NRCAM: variants seen among roughly 807,000 people sequenced by gnomAD.
NRCAM encodes neuronal cell adhesion molecule.
A neutral mutation model predicts 156.5 loss-of-function variants in NRCAM; 83 were observed. The observed-to-expected ratio is 0.53, with a 90% CI of 0.44 to 0.64. NRCAM has a LOEUF of 0.64. Among genes scored for constraint, NRCAM ranks in the 30% least tolerant of loss-of-function variants. NRCAM has a pLI of 0.00. For missense variants in NRCAM, 1,417 were observed against 1,597.3 expected (o/e 0.89, Z 1.92); for synonymous variants, 538 against 563.9 (o/e 0.95, Z 0.65).
intron 2 of NRCAM, among the ~76,000 whole-genome samples, chr7:108,374,644 C>T (rs906376763): frequency 3.3e-5 from 5 of 152,068 alleles, no homozygotes; most frequent in African/African-American, 1.2e-4. Context: ...AAACACTGAG[C>T]TATGAGTAGG....
In NRCAM at chr7:108,149,821, C is replaced by A. The variant is rs2040221733; in HGVS notation, c.*89G>T. The A allele has an allele frequency of 1.0e-6, 1 of 986,640 alleles. No individual in the cohort carries two copies. Among genetic ancestry groups the A allele is most frequent in the Non-Finnish European group, 1.5e-6 (1 of 647,274 alleles). The allele number at this position is 986,640 out of a possible 1,614,324, so 61.1% of individuals were successfully genotyped here. A position where few individuals can be genotyped will look rare whatever the true frequency, so the allele number is the denominator to read the frequency against. On this transcript the variant is annotated 3_prime_UTR_variant, in exon 33 of 33. Coordinates refer to ENST00000379028, the MANE Select transcript of NRCAM (RefSeq NM_001037132.4). ...CATACAGCAGAAAATATACTCTCTACCCATATGTTCATAGTATGAGAGGGC... is the reference window on the plus strand; with the variant it reads ...CATACAGCAGAAAATATACTCTCTAACCATATGTTCATAGTATGAGAGGGC...
rs143920584 is a variant in NRCAM, at chr7:108,424,584, T to C, written c.-331-24991A>G. ...TTTTTGTCAGTGGGGTTTACACTAT[T>C]GCTCTTGATTTTTAAAACTGAATGT... On this transcript the variant is annotated intron_variant, in intron 1 of 32. Transcript: ENST00000379028. Among the ~76,000 whole-genome samples the C allele has an allele frequency of 4.0e-3, 607 of 152,342 alleles. 2 individuals are homozygous for C. Among genetic ancestry groups the C allele is most frequent in the Admixed American group, 8.2e-3 (125 of 15,302 alleles).
In NRCAM at chr7:108,176,427, T is replaced by C; in HGVS notation, c.3151+3A>G. On this transcript the variant is annotated splice_donor_region_variant and intron_variant, in intron 27 of 32. Transcript: ENST00000379028. ...ATATGGATTTTATACATACCCATCT[T>C]ACCTTCATCCACAGTTGTTACTGCT... The C allele has an allele frequency of 1.2e-6, 2 of 1,611,124 alleles. No individual in the cohort carries two copies. Among genetic ancestry groups the C allele is most frequent in the Non-Finnish European group, 1.7e-6 (2 of 1,178,160 alleles).
chr7:108,170,311 G>A (rs2057685528), intron 28 of NRCAM, among the ~76,000 whole-genome samples: 1 of 152,170 alleles, frequency 6.6e-6, no homozygotes. Context: ...GGCAAATATT[G>A]CGTGATCTCA....
chr7:108,341,425 G>C (rs1435832992), intron 2 of NRCAM, among the ~76,000 whole-genome samples: 1 of 152,174 alleles, frequency 6.6e-6, no homozygotes, highest in Non-Finnish European at 1.5e-5. Context: ...CCAGTCACTT[G>C]ATACTTCTCC....
At chr7:108,168,025 C>T (rs191583629) in intron 29 of NRCAM, among the ~76,000 whole-genome samples, 1 of 152,206 alleles carries the variant, frequency 6.6e-6, no homozygotes, top group Admixed American at 6.5e-5. Context: ...GTTTCAAGTA[C>T]TATGATATGA....
At chr7:108,439,690 T>C (rs1836315463) in intron 1 of NRCAM, among the ~76,000 whole-genome samples, 3 of 151,802 alleles carry the variant, frequency 2.0e-5, no homozygotes, top group Non-Finnish European at 4.4e-5. Context: ...CAAAATTAGC[T>C]GGCTGTGGTG....
At chr7:108,215,954 T>C (rs985400005) in intron 11 of NRCAM, among the ~76,000 whole-genome samples, 10 of 152,240 alleles carry the variant, frequency 6.6e-5, no homozygotes, top group Non-Finnish European at 2.9e-5. Flanking sequence ...CCTGTCATTA[T>C]GATGCTAGCT....
chr7:108,178,123 G>T lies in NRCAM; in HGVS notation c.2852-11C>A, dbSNP rs369572082. 32 of 1,607,652 alleles carry T rather than the reference G, an allele frequency of 2.0e-5. No homozygotes were observed. The African/African-American group carries it at 3.5e-4, about 18-fold the overall frequency. On this transcript the variant is annotated splice_polypyrimidine_tract_variant and intron_variant, in intron 25 of 32. Transcript: ENST00000379028. ...AGGGAGCACTGGGGACTTACAGTGA[G>T]AACTTACAGTCAACACAAAGATTTC...
intron 2 of NRCAM, among the ~76,000 whole-genome samples, chr7:108,326,533 T>C (rs2099070554): frequency 1.3e-5 from 2 of 152,234 alleles, no homozygotes; most frequent in South Asian, 2.1e-4. Context: ...AATCAAACTA[T>C]AATCAGGAAA....
chr7:108,408,973 G>A (rs1312724676), intron 1 of NRCAM, among the ~76,000 whole-genome samples: 1 of 152,160 alleles, frequency 6.6e-6, no homozygotes, highest in Non-Finnish European at 1.5e-5. Context: ...GAAATTAGGT[G>A]AATGGAGCCC....
At chr7:108,169,667 C>T (rs1412256219) in intron 28 of NRCAM, among the ~76,000 whole-genome samples, 3 of 152,170 alleles carry the variant, frequency 2.0e-5, no homozygotes, top group Non-Finnish European at 2.9e-5. Flanking sequence ...CTGAATTATG[C>T]AGAGTCCTTC....
chr7:108,246,598 T>C (rs557792997), intron 3 of NRCAM, among the ~76,000 whole-genome samples: 59 of 152,164 alleles, frequency 3.9e-4, no homozygotes, highest in Admixed American at 7.2e-4. Context: ...AGAGAAGAGC[T>C]GAGTGGCCAT....
intron 3 of NRCAM, among the ~76,000 whole-genome samples, chr7:108,293,539 A>G (rs760918644): frequency 6.6e-6 from 1 of 152,190 alleles, no homozygotes; most frequent in Admixed American, 6.5e-5. Context: ...CTACGTCATA[A>G]AGGAAGTCTA....
At chr7:108,213,367 C>T (rs2085828089) in intron 11 of NRCAM, among the ~76,000 whole-genome samples, 1 of 151,978 alleles carries the variant, frequency 6.6e-6, no homozygotes, top group South Asian at 2.1e-4. Context: ...ATAAAAAACC[C>T]AAGGTACACA....
chr7:108,280,952 A>G (rs1409916659), intron 3 of NRCAM, among the ~76,000 whole-genome samples: 4 of 152,174 alleles, frequency 2.6e-5, no homozygotes, highest in Admixed American at 6.5e-5. Flanking sequence ...TAAAAATTAA[A>G]TGATGAAAAA....
chr7:108,191,861 T>C lies in NRCAM; in HGVS notation c.1779-8A>G, dbSNP rs908230071. The C allele has an allele frequency of 9.3e-6, 15 of 1,612,510 alleles. No individual in the cohort carries two copies. The highest frequency in any genetic ancestry group is 1.3e-5 in the Non-Finnish European group (15 of 1,179,624). The stretch of plus-strand genomic sequence containing the variant: ...TCCTTGTCAACAGTGAACCTGTGGA[T>C]AGAATGCATTCAGAGCAGCTGAAAT... On this transcript the variant is annotated splice_region_variant and splice_polypyrimidine_tract_variant and intron_variant, in intron 17 of 32. Coordinates refer to ENST00000379028, the MANE Select transcript of NRCAM (RefSeq NM_001037132.4).
chr7:108,385,190 C>A (rs2099736277), intron 2 of NRCAM, among the ~76,000 whole-genome samples: 2 of 152,164 alleles, frequency 1.3e-5, no homozygotes, highest in African/African-American at 4.8e-5. Flanking sequence ...GCATATATTA[C>A]ATTGAAAATG....
intron 5 of NRCAM, 23 bp downstream of exon 5, chr7:108,237,729 G>A: frequency 6.4e-7 from 1 of 1,567,732 alleles, no homozygotes; most frequent in Non-Finnish European, 8.6e-7. Flanking sequence ...ACACTGCCTA[G>A]TAATTTATAG....
Sources: allele counts gnomAD v4.1 joint callset (sites outside exome capture counted in the v4.1 genomes callset), GRCh38; gene constraint gnomAD v4.1.1; transcripts MANE v1.5; gene names NCBI Gene and HGNC (gene_info 2026-07-23, HGNC 2026-07-21).